The following GABBR2 variants were observed in gnomAD, a reference collection of about 807,000 sequenced individuals.
GABBR2 encodes the protein gamma-aminobutyric acid type B receptor subunit 2.
GABBR2 carries 23 observed loss-of-function variants against 105.6 expected under a neutral mutation model. The ratio of observed to expected loss-of-function variants is 0.22; its 90% CI spans 0.16 to 0.31. GABBR2 has a LOEUF of 0.31. Ranked by LOEUF, GABBR2 falls within the 10% of genes least tolerant of loss-of-function variation. The pLI, the probability that GABBR2 is intolerant of heterozygous loss-of-function variation, is 1.00. For missense variants in GABBR2, 734 were observed against 1,245.5 expected, an observed-to-expected ratio of 0.59 and a Z score of 6.18; for synonymous variants, 478 against 499.7, an observed-to-expected ratio of 0.96 and a Z score of 0.58.
intron 2 of GABBR2, among the ~76,000 whole-genome samples, chr9:98,575,466 G>A (rs1828894615): frequency 6.6e-6 from 1 of 152,180 alleles, no homozygotes; most frequent in Non-Finnish European, 1.5e-5. Flanking sequence ...CTAACTGTGT[G>A]CCAGACACAG....
At chr9:98,560,107 G>A (rs1828646532) in intron 2 of GABBR2, among the ~76,000 whole-genome samples, 1 of 152,028 alleles carries the variant, frequency 6.6e-6, no homozygotes, top group Admixed American at 6.6e-5. Flanking sequence ...AATGGAGAGA[G>A]CTTAGATTGG....
At chr9:98,426,264 C>G (rs976742021) in intron 7 of GABBR2, among the ~76,000 whole-genome samples, 1 of 152,212 alleles carries the variant, frequency 6.6e-6, no homozygotes, top group Non-Finnish European at 1.5e-5. Flanking sequence ...TGACACATAA[C>G]CTATCCAGGA....
intron 6 of GABBR2, among the ~76,000 whole-genome samples, chr9:98,468,350 G>T (rs372375826): frequency 6.6e-6 from 1 of 152,190 alleles, no homozygotes; most frequent in East Asian, 1.9e-4. Context: ...TTTGTCTATC[G>T]GGAGTCAGCT....
At chr9:98,641,578 G>A (rs1353725340) in intron 1 of GABBR2, among the ~76,000 whole-genome samples, 1 of 152,112 alleles carries the variant, frequency 6.6e-6, no homozygotes, top group African/African-American at 2.4e-5. Context: ...TAAAGCAACG[G>A]GCATGCATGT....
chr9:98,303,593 G>A (rs1437121718), intron 15 of GABBR2, among the ~76,000 whole-genome samples, 170 bp from the exon 16 acceptor site: 4 of 152,216 alleles, frequency 2.6e-5, no homozygotes, highest in Non-Finnish European at 5.9e-5. Flanking sequence ...TCTGCTACTC[G>A]CTTGTGTGTG....
chr9:98,649,234 T>C (rs1336005601), intron 1 of GABBR2, among the ~76,000 whole-genome samples: 1 of 152,244 alleles, frequency 6.6e-6, no homozygotes, highest in African/African-American at 2.4e-5. Context: ...CTGCAAAAGA[T>C]GTATTCTTTT....
chr9:98,331,614 G>A (rs1163805239), intron 13 of GABBR2, among the ~76,000 whole-genome samples: 2 of 152,048 alleles, frequency 1.3e-5, no homozygotes, highest in African/African-American at 4.8e-5. Context: ...CACATAGTGG[G>A]TGCCCAGTAA....
chr9:98,312,894 C>T (rs1208418306), intron 13 of GABBR2, among the ~76,000 whole-genome samples: 2 of 152,018 alleles, frequency 1.3e-5, no homozygotes, highest in African/African-American at 2.4e-5. Flanking sequence ...GGATTATAGG[C>T]GGCCGCCACC....
At chr9:98,374,661 C>T (rs780693418) in intron 11 of GABBR2, among the ~76,000 whole-genome samples, 1 of 152,176 alleles carries the variant, frequency 6.6e-6, no homozygotes, top group Non-Finnish European at 1.5e-5. Flanking sequence ...AATGTGCTTC[C>T]CTAGGCAGCA....
chr9:98,607,415 C>A, intron 1 of GABBR2: 1 of 643,334 alleles, frequency 1.6e-6, no homozygotes, highest in Non-Finnish European at 2.8e-6. Context: ...CCACAGAAGA[C>A]ACACTCACAC....
At chr9:98,647,808 A>G (rs1230070952) in intron 1 of GABBR2, among the ~76,000 whole-genome samples, 1 of 152,202 alleles carries the variant, frequency 6.6e-6, no homozygotes, top group Non-Finnish European at 1.5e-5. Flanking sequence ...GTGATGTTAA[A>G]ATATTTGACC....
chr9:98,477,522 G>A (rs1000015451), intron 5 of GABBR2, among the ~76,000 whole-genome samples: 1 of 152,318 alleles, frequency 6.6e-6, no homozygotes, highest in Admixed American at 6.5e-5. Context: ...ACAGGCATGA[G>A]CCACCACACC....
intron 1 of GABBR2, among the ~76,000 whole-genome samples, chr9:98,633,787 T>A (rs1337624586): frequency 2.6e-5 from 4 of 151,750 alleles, no homozygotes; most frequent in Admixed American, 6.6e-5. Flanking sequence ...TTTTTAGGGG[T>A]GCTCAGCAAG....
intron 1 of GABBR2, among the ~76,000 whole-genome samples, chr9:98,648,116 T>TGTGTGTGTGTGTGTGTATAG: frequency 0.031 from 1,721 of 55,806 alleles, 61 homozygotes; most frequent in Middle Eastern, 0.091. Context: ...TGTGTGTGTG[T>TGTGTGTGTGTGTGTGTATAG]ATAGATAGAT....
intron 13 of GABBR2, among the ~76,000 whole-genome samples, chr9:98,329,194 G>A (rs890156698): frequency 1.9e-4 from 29 of 152,222 alleles, no homozygotes; most frequent in African/African-American, 5.8e-4. Flanking sequence ...GTCTCCTCAG[G>A]TCATTTCTGC....
chr9:98,610,656 G>A (rs185956820), intron 1 of GABBR2, among the ~76,000 whole-genome samples: 27 of 152,232 alleles, frequency 1.8e-4, no homozygotes, highest in African/African-American at 6.5e-4. Flanking sequence ...ACCCAAGTCA[G>A]GGAATGCCAA....
chr9:98,610,152 C>T (rs868265293), intron 1 of GABBR2, among the ~76,000 whole-genome samples: 4 of 152,228 alleles, frequency 2.6e-5, no homozygotes, highest in Non-Finnish European at 5.9e-5. Context: ...GCCTGCCAAG[C>T]GCTCCAGAAA....
At chr9:98,664,493 A>G (rs543737560) in intron 1 of GABBR2, among the ~76,000 whole-genome samples, 59 of 152,320 alleles carry the variant, frequency 3.9e-4, no homozygotes, top group African/African-American at 1.3e-3. Context: ...ATTATTTTCT[A>G]TTCAATGGGG....
At chr9:98,348,112 G>A (rs1831331335) in intron 13 of GABBR2, among the ~76,000 whole-genome samples, 2 of 152,136 alleles carry the variant, frequency 1.3e-5, no homozygotes, top group Non-Finnish European at 2.9e-5. Context: ...AGCAGTGTGA[G>A]AGCAGACTAA....
Sources: allele counts gnomAD v4.1 joint callset (sites outside exome capture counted in the v4.1 genomes callset), GRCh38; gene constraint gnomAD v4.1.1; transcripts MANE v1.5; gene names NCBI Gene and HGNC (gene_info 2026-07-23, HGNC 2026-07-21).